Variants in ATG9B observed in about 807,000 individuals in gnomAD.
ATG9B encodes autophagy-related protein 9B.
A neutral mutation model predicts 92.9 loss-of-function variants in ATG9B; 92 were observed. That is an observed-to-expected ratio of 0.99 (90% confidence interval 0.84 to 1.18). The LOEUF (loss-of-function observed/expected upper bound fraction) is 1.18, where lower values mean the gene tolerates loss of function less well. Among genes scored for constraint, ATG9B ranks in the 50% most tolerant of loss-of-function variants. The pLI is 0.00. For missense variants in ATG9B, 1,344 were observed against 1,235.0 expected, an observed-to-expected ratio of 1.09 and a Z score of -1.32; for synonymous variants, 599 against 551.4, an observed-to-expected ratio of 1.09 and a Z score of -1.21.
At chr7:151,013,286 C>G, downstream of ATG9B, 1 of 1,614,126 alleles carries the variant, frequency 6.2e-7, no homozygotes, top group Non-Finnish European at 8.5e-7. Flanking sequence ...CCCAACTTGA[C>G]CATCTCTACC....
In ATG9B at chr7:151,021,991, CT is replaced by C. The variant is rs1407903360; in HGVS notation, c.822-663del. Reference sequence around the variant, plus strand: ...AGTTGTTCTCAGCTACAATTTCCTTCTTTTTTTTTTTTCCTTTTTATTGAAA... The same window carrying C: ...AGTTGTTCTCAGCTACAATTTCCTTCTTTTTTTTTTTCCTTTTTATTGAAA... On this transcript the variant is annotated intron_variant, in intron 4 of 13. Coordinates refer to ENST00000639579, the MANE Select transcript of ATG9B (RefSeq NM_001317056.2). 3.5e-3 allele frequency among the ~76,000 whole-genome samples: 460 copies of C among 129,900 alleles called. 26 individuals carry two copies. The highest frequency in any genetic ancestry group is 8.5e-3 in the African/African-American group (287 of 33,698). 85.2% of individuals were successfully genotyped at this position (129,900 alleles called of 152,430 possible).
Position 151,024,396 on chromosome 7 carries a change from T to A in ATG9B, c.28A>T (p.Arg10Ter). Residue 10 changes from arginine to a stop codon, truncating the protein, a stop_gained, in exon 1 of 14, where the codon AGA (arginine) becomes TGA (stop). Coordinates refer to ENST00000639579, the MANE Select transcript of ATG9B (RefSeq NM_001317056.2). LOFTEE classifies it high-confidence loss of function. MVSRMGWGGRRRRLGRWGDL... is the reference protein window; with the variant it reads MVSRMGWGG The stretch of plus-strand genomic sequence containing the variant: ...CCCCACCGCCCCAGCCGCCTTCTTC[T>A]CCCCCCCCAGCCCATTCGGCTCACC... 7.4e-7 allele frequency: 1 copy of A among 1,353,786 alleles called. No homozygotes were observed. Among genetic ancestry groups the A allele is most frequent in the Non-Finnish European group, 9.5e-7 (1 of 1,048,092 alleles). 83.9% of individuals were successfully genotyped at this position (1,353,786 alleles called of 1,614,324 possible).
At chr7:151,023,815 A>T in intron 1 of ATG9B, 59 bp downstream of exon 1, 1 of 1,611,720 alleles carries the variant, frequency 6.2e-7, no homozygotes, top group East Asian at 2.2e-5. Flanking sequence ...CCAGCCTGGG[A>T]TAAGTACTGG....
chr7:151,018,528 G>A lies in ATG9B; in HGVS notation c.1719-81C>T. On this transcript the variant is annotated intron_variant, in intron 6 of 13. Transcript: ENST00000639579. This position sits in a 1 kb window ranked among gnomAD's most constrained non-coding sequence, Gnocchi z 4.7. ...GGATGTAGGGCTAGAGGGCCCCAGT[G>A]GTGGGAGAGGTAAGGATTCGGGGGG... 1 of 1,522,124 alleles carries A rather than the reference G, an allele frequency of 6.6e-7. No homozygotes were observed. The highest frequency in any genetic ancestry group is 8.8e-7 in the Non-Finnish European group (1 of 1,137,164). The allele number at this position is 1,522,124 out of a possible 1,614,324, so 94.3% of individuals were successfully genotyped here. A position where few individuals can be genotyped will look rare whatever the true frequency, so the allele number is the denominator to read the frequency against.
In ATG9B at chr7:151,018,770, AGGGGCGCG is replaced by A; in HGVS notation, c.1560_1567del (p.Pro522HisfsTer168). ...GAGCTGGCGGGCCAGCAGCGTGCGC[AGGGGCGCG>A]GGGGGCGCAGCGGTGCGCAGGAAGG... On this transcript the variant is annotated frameshift_variant, in exon 6 of 14. Transcript: ENST00000639579. LOFTEE classifies it high-confidence loss of function. The surrounding 1 kb of genome is among the most constrained non-coding windows in gnomAD (Gnocchi z 4.7). The A allele has an allele frequency of 2.7e-6, 4 of 1,484,070 alleles. No individual in the cohort carries two copies. Among genetic ancestry groups the A allele is most frequent in the Non-Finnish European group, 3.6e-6 (4 of 1,121,918 alleles). 91.9% of individuals were successfully genotyped at this position (1,484,070 alleles called of 1,614,324 possible). A position where few individuals can be genotyped will look rare whatever the true frequency, so the allele number is the denominator to read the frequency against.
chr7:151,014,613 GT>G (rs1016402988), downstream of ATG9B: 80 of 134,372 alleles, frequency 6.0e-4, no homozygotes, highest in Admixed American at 1.9e-3. Flanking sequence ...TTTTTTTTTT[GT>G]TTTTTTTTTT....
chr7:151,013,551 C>T, downstream of ATG9B: 1 of 1,054,950 alleles, frequency 9.5e-7, no homozygotes, highest in South Asian at 1.7e-5. Context: ...GGCCCGCCTC[C>T]TCCCGCCCCT....
downstream of ATG9B, chr7:151,013,225 T>C: frequency 1.9e-6 from 3 of 1,611,180 alleles, no homozygotes; most frequent in Admixed American, 5.0e-5. Context: ...GCGGGGTTGC[T>C]TGCAGGGCTG....
At chr7:151,020,831 C>T (rs77005550) in intron 5 of ATG9B, 114 of 216,252 alleles carry the variant, frequency 5.3e-4, no homozygotes, top group African/African-American at 2.6e-3. Flanking sequence ...AATGTGCTCC[C>T]CTCCCCTCCT....
chr7:151,024,398 C>A lies in ATG9B; in HGVS notation c.26G>T (p.Gly9Val). 3 of 1,370,228 alleles carry A rather than the reference C, an allele frequency of 2.2e-6. No homozygotes were observed. Among genetic ancestry groups the A allele is most frequent in the South Asian group, 2.1e-5 (1 of 46,522 alleles). The allele number at this position is 1,370,228 out of a possible 1,614,324, so 84.9% of individuals were successfully genotyped here. The change falls in exon 1 of 14, where the codon GGG becomes GTG. Residue 9 changes from glycine (G) to valine (V), a missense_variant. Gly to Val is a moderately radical substitution (Grantham distance 109). Coordinates refer to ENST00000639579, the MANE Select transcript of ATG9B (RefSeq NM_001317056.2). ...CCACCGCCCCAGCCGCCTTCTTCTC[C>A]CCCCCCAGCCCATTCGGCTCACCAT... MVSRMGWGGRRRRLGRWGD... is the reference protein window; with the variant it reads MVSRMGWGVRRRRLGRWGD...
chr7:151,012,586 G>T, downstream of ATG9B: 1 of 1,330,700 alleles, frequency 7.5e-7, no homozygotes, highest in African/African-American at 1.4e-5. Context: ...AGTCCACAAA[G>T]CTGAAAAGAC....
In ATG9B at chr7:151,017,274, T is replaced by C. The variant is rs760222405; in HGVS notation, c.2053-2A>G. ...CTCAGTCTGTCCCGCCGAGAGCCAC[T>C]GTGAGCAAGGACAGTCTTTCAGGTG... On this transcript the variant is annotated splice_acceptor_variant, in intron 8 of 13. Transcript: ENST00000639579. LOFTEE classifies it high-confidence loss of function. 3 of 1,584,988 alleles carry C rather than the reference T, an allele frequency of 1.9e-6. No homozygotes were observed. The highest frequency in any genetic ancestry group is 2.3e-5 in the South Asian group (2 of 87,956).
intron 5 of ATG9B, chr7:151,020,151 C>T (rs1292401712): frequency 2.0e-5 from 3 of 152,706 alleles, no homozygotes; most frequent in Non-Finnish European, 4.4e-5. Context: ...CGACTCCAGG[C>T]CATCTTCGGC....
Position 151,024,126 on chromosome 7 carries a change from G to A in ATG9B, c.298C>T (p.Gln100Ter), listed in dbSNP as rs753996370. 30 of 1,595,468 alleles carry A rather than the reference G, an allele frequency of 1.9e-5. 1 individual carries two copies. The South Asian group carries it at 3.1e-4, about 16-fold the overall frequency. ...GCAGGTGTCATTGCAGGTTGAGCCTGTGTTGGGGGGGTGGCTGGGATAGGG... is the reference window on the plus strand; with the variant it reads ...GCAGGTGTCATTGCAGGTTGAGCCTATGTTGGGGGGGTGGCTGGGATAGGG... ...ALPIPATPPTQAQPAMTPASA... is the reference protein window; with the variant it reads ...ALPIPATPPT Residue 100 changes from glutamine to a stop codon, truncating the protein, a stop_gained, in exon 1 of 14, where the codon CAG becomes TAG. Coordinates refer to ENST00000639579, the MANE Select transcript of ATG9B (RefSeq NM_001317056.2). LOFTEE classifies it high-confidence loss of function.
Position 151,018,220 on chromosome 7 carries a change from T to C in ATG9B, c.1872+74A>G. 3 of 1,485,582 alleles carry C rather than the reference T, an allele frequency of 2.0e-6. No individual in the cohort carries two copies. Among genetic ancestry groups the C allele is most frequent in the Middle Eastern group, 2.6e-4 (1 of 3,880 alleles). 92.0% of individuals were successfully genotyped at this position (1,485,582 alleles called of 1,614,324 possible). A position where few individuals can be genotyped will look rare whatever the true frequency, so the allele number is the denominator to read the frequency against. On this transcript the variant is annotated intron_variant, in intron 7 of 13. Coordinates refer to ENST00000639579, the MANE Select transcript of ATG9B (RefSeq NM_001317056.2). The surrounding 1 kb of genome is among the most constrained non-coding windows in gnomAD (Gnocchi z 4.7). ...CTCATGCCCTCTCCCAGACAGACCC[T>C]CCGCGCAGACAGACCCTCCGCGCAG...
Position 151,023,507 on chromosome 7 carries a change from G to A in ATG9B, c.597C>T (p.Ile199=). ...IQNLDSFFTK[I]YSYHQRNGFA... ...AGCCATTCCGCTGGTGGTAGCTGTA[G>A]ATGTGGCTGCGTGTCAAGGAACAAG... The change falls in exon 3 of 14, where the codon ATC becomes ATT. Residue 199 remains isoleucine, a splice_region_variant and synonymous_variant. Transcript: ENST00000639579. The A allele has an allele frequency of 6.2e-7, 1 of 1,612,748 alleles. No homozygotes were observed. The highest frequency in any genetic ancestry group is 1.1e-5 in the South Asian group (1 of 90,890).
chr7:151,016,128 C>A lies in ATG9B; in HGVS notation c.2628G>T (p.Lys876Asn). ...PSQPPSPDEE[K>N]PSWSSDGSSP... ...CCTCACCGTCACTTGACCAGGATGG[C>A]TTCTCCTCATCAGGCGAGGGTGGCT... Residue 876 changes from lysine to asparagine, a missense_variant, in exon 12 of 14, where the codon AAG becomes AAT. Physicochemically the swap from Lys to Asn is moderately conservative, Grantham distance 94. Transcript: ENST00000639579. The A allele has an allele frequency of 6.5e-7, 1 of 1,539,680 alleles. No homozygotes were observed. The highest frequency in any genetic ancestry group is 8.8e-7 in the Non-Finnish European group (1 of 1,140,036).
Position 151,024,000 on chromosome 7 carries a change from C to G in ATG9B, c.424G>C (p.Val142Leu). ...TCCTGTTCAGGGATCAAAGGGCCTACCCGCAGCCCAGGAGAGTCCTGGGGG... is the reference window on the plus strand; with the variant it reads ...TCCTGTTCAGGGATCAAAGGGCCTAGCCGCAGCCCAGGAGAGTCCTGGGGG... ...QCPQDSPGLR[V>L]GPLIPEQDYE... is the part of the protein sequence containing the mutation. Residue 142 changes from valine to leucine, a missense_variant, in exon 1 of 14, where the codon GTA becomes CTA. Transcript: ENST00000639579. 6.3e-7 allele frequency: 1 copy of G among 1,594,100 alleles called. No individual in the cohort carries two copies. The highest frequency in any genetic ancestry group is 2.3e-5 in the East Asian group (1 of 44,118).
downstream of ATG9B, chr7:151,012,912 T>C (rs759042203): frequency 5.0e-6 from 2 of 401,984 alleles, no homozygotes; most frequent in Non-Finnish European, 4.5e-6. Flanking sequence ...TATGGGAGAA[T>C]ATGAAGTGGG....
Sources: allele counts gnomAD v4.1 joint callset (sites outside exome capture counted in the v4.1 genomes callset), GRCh38; gene constraint gnomAD v4.1.1; non-coding constraint Gnocchi (gnomAD v3.1); transcripts MANE v1.5; gene names NCBI Gene and HGNC (gene_info 2026-07-23, HGNC 2026-07-21).